The following MYRFL variants were observed in gnomAD, a reference collection of about 807,000 sequenced individuals.
The protein encoded by MYRFL is myelin regulatory factor like.
A neutral mutation model predicts 109.4 loss-of-function variants in MYRFL; 88 were observed. The ratio of observed to expected loss-of-function variants is 0.80; its 90% CI spans 0.68 to 0.96. MYRFL has a LOEUF of 0.96. Among genes scored for constraint, MYRFL ranks in the 40% least tolerant of loss-of-function variants. The pLI is 0.00. For synonymous variants in MYRFL, 324 were observed against 320.9 expected (o/e 1.01, Z -0.10); for missense variants, 957 against 954.9 (o/e 1.00, Z -0.03).
At chr12:69,887,092 T>C (rs961952204) in intron 6 of MYRFL, 122 bp downstream of exon 6, 1 of 1,042,080 alleles carries the variant, frequency 9.6e-7, no homozygotes, top group Non-Finnish European at 1.4e-6. Flanking sequence ...AGTGAGAAAG[T>C]GTCTGTCTTA....
chr12:69,827,329 T>C (rs2136311870), intron 1 of MYRFL, among the ~76,000 whole-genome samples: 1 of 152,164 alleles, frequency 6.6e-6, no homozygotes, highest in African/African-American at 2.4e-5. Flanking sequence ...CTGTCAAAGC[T>C]CATGATGATC....
At position 69,895,364 on chromosome 12, in the gene MYRFL, GTT is replaced by G; in HGVS notation, c.981-4_981-3del. ...TCTTGGTTTTTTTTTTTTGCTGTTT[GTT>G]TTAGAATTGACCTACTGGCTGACCA... On this transcript the variant is annotated splice_polypyrimidine_tract_variant and splice_region_variant and intron_variant, in intron 8 of 24. Coordinates refer to ENST00000552032, the MANE Select transcript of MYRFL (RefSeq NM_182530.3). The G allele has an allele frequency of 6.8e-7, 1 of 1,475,322 alleles. No individual in the cohort carries two copies. The highest frequency in any genetic ancestry group is 9.1e-7 in the Non-Finnish European group (1 of 1,102,692). The allele number at this position is 1,475,322 out of a possible 1,614,324, so 91.4% of individuals were successfully genotyped here.
rs571869839 is a variant in MYRFL, at chr12:69,920,758, T to G, written c.1603-5813T>G. Among the ~76,000 whole-genome samples, 16 of 152,322 alleles carry G rather than the reference T, an allele frequency of 1.1e-4. No homozygotes were observed. In the South Asian group the frequency reaches 3.3e-3, roughly 32 times the overall value. On this transcript the variant is annotated intron_variant, in intron 13 of 24. Coordinates refer to ENST00000552032, the MANE Select transcript of MYRFL (RefSeq NM_182530.3). Reference sequence around the variant, plus strand: ...GCGTGAAGAGGGCTGTAGTGAAAGATGAGTTTTAGATAAGGGATACCCACT... The same window carrying G: ...GCGTGAAGAGGGCTGTAGTGAAAGAGGAGTTTTAGATAAGGGATACCCACT...
intron 13 of MYRFL, among the ~76,000 whole-genome samples, chr12:69,916,500 A>ATCTT (rs1462248219): frequency 6.6e-5 from 10 of 152,116 alleles, no homozygotes; most frequent in Admixed American, 6.6e-4. Context: ...CTTTGGCAAT[A>ATCTT]TCTTTGTATA....
At chr12:69,870,172 G>T (rs1488950256) in intron 2 of MYRFL, among the ~76,000 whole-genome samples, 1 of 121,006 alleles carries the variant, frequency 8.3e-6, no homozygotes, top group Non-Finnish European at 1.6e-5. Flanking sequence ...GCAGTGTTGA[G>T]ATCTCGGCTC....
intron 6 of MYRFL, among the ~76,000 whole-genome samples, chr12:69,889,692 A>T (rs1886675995): frequency 6.6e-6 from 1 of 151,948 alleles, no homozygotes; most frequent in Non-Finnish European, 1.5e-5. Context: ...CATCTTTACT[A>T]AAAAAATACA....
intron 2 of MYRFL, among the ~76,000 whole-genome samples, chr12:69,877,999 T>C (rs1460852061): frequency 6.6e-6 from 1 of 152,098 alleles, no homozygotes; most frequent in African/African-American, 2.4e-5. Flanking sequence ...TCCCTACATT[T>C]TGGGAGGCTG....
chr12:69,836,902 G>A (rs931302286), intron 1 of MYRFL, among the ~76,000 whole-genome samples: 2 of 152,084 alleles, frequency 1.3e-5, no homozygotes, highest in African/African-American at 2.4e-5. Flanking sequence ...CAATATTAAC[G>A]TGTGTTTATT....
intron 19 of MYRFL, among the ~76,000 whole-genome samples, chr12:69,950,385 G>A (rs761412652): frequency 8.5e-5 from 13 of 152,218 alleles, no homozygotes; most frequent in Non-Finnish European, 1.5e-4. Flanking sequence ...CAACTCTAAA[G>A]GGATTATTCT....
At chr12:69,891,831 G>C (rs1331068006) in intron 7 of MYRFL, among the ~76,000 whole-genome samples, 1 of 151,676 alleles carries the variant, frequency 6.6e-6, no homozygotes, top group African/African-American at 2.4e-5. Flanking sequence ...GGGACCACAG[G>C]TGTGTGCCAC....
chr12:69,841,102 GA>G (rs1333395758), intron 1 of MYRFL, among the ~76,000 whole-genome samples: 1 of 152,166 alleles, frequency 6.6e-6, no homozygotes, highest in Non-Finnish European at 1.5e-5. Context: ...TGCACAAGGA[GA>G]CTGGGAGATT....
intron 1 of MYRFL, among the ~76,000 whole-genome samples, chr12:69,841,830 G>A (rs1383272534): frequency 6.6e-6 from 1 of 152,164 alleles, no homozygotes; most frequent in Non-Finnish European, 1.5e-5. Flanking sequence ...AACTTCTTGA[G>A]CACAGAAACT....
intron 2 of MYRFL, among the ~76,000 whole-genome samples, chr12:69,868,899 C>G (rs574999884): frequency 6.6e-6 from 1 of 151,840 alleles, no homozygotes; most frequent in African/African-American, 2.4e-5. Context: ...CACACACGTA[C>G]GCACACGCGC....
At chr12:69,861,731 G>T (rs1477057783) in intron 2 of MYRFL, among the ~76,000 whole-genome samples, 1 of 151,230 alleles carries the variant, frequency 6.6e-6, no homozygotes, top group African/African-American at 2.4e-5. Context: ...TTCTTTTGCT[G>T]TGCAGAAGCT....
intron 16 of MYRFL, among the ~76,000 whole-genome samples, chr12:69,932,891 G>T (rs1168045966): frequency 1.4e-5 from 2 of 145,772 alleles, no homozygotes; most frequent in Admixed American, 6.9e-5. Flanking sequence ...GTTTGTGTGT[G>T]TGTGTGTGTA....
At chr12:69,947,393 T>C (rs1287588820) in intron 19 of MYRFL, among the ~76,000 whole-genome samples, 1 of 152,142 alleles carries the variant, frequency 6.6e-6, no homozygotes, top group Non-Finnish European at 1.5e-5. Context: ...AAGTTGATCA[T>C]ATCTGTGTAA....
At position 69,903,746 on chromosome 12, in the gene MYRFL, G is replaced by T; in HGVS notation, c.1285G>T (p.Asp429Tyr). 3 of 1,535,854 alleles carry T rather than the reference G, an allele frequency of 2.0e-6. No individual in the cohort carries two copies. Among genetic ancestry groups the T allele is most frequent in the Non-Finnish European group, 2.6e-6 (3 of 1,146,688 alleles). The change falls in exon 11 of 25, where the codon GAT (aspartate) becomes TAT (tyrosine). Residue 429 changes from aspartate to tyrosine, a missense_variant. Coordinates refer to ENST00000552032, the MANE Select transcript of MYRFL (RefSeq NM_182530.3). The stretch of plus-strand genomic sequence containing the variant: ...TCACGGTCGAGTAGGAATCAACACA[G>T]ATGCGCCGGACGAAGCCCTGGTTGT... ...VCHGRVGINTDAPDEALVVCG... is the reference protein window; with the variant it reads ...VCHGRVGINTYAPDEALVVCG...
chr12:69,856,524 A>T (rs541714495), intron 2 of MYRFL, among the ~76,000 whole-genome samples: 17 of 152,190 alleles, frequency 1.1e-4, no homozygotes, highest in Non-Finnish European at 2.5e-4. Context: ...AATGCATGAG[A>T]TATCCAATTG....
At chr12:69,932,885 G>GTGTGTGTT (rs1955315079) in intron 16 of MYRFL, among the ~76,000 whole-genome samples, 2 of 140,304 alleles carry the variant, frequency 1.4e-5, no homozygotes, top group African/African-American at 5.3e-5. Context: ...GTGTGTGTTT[G>GTGTGTGTT]TGTGTGTGTG....
Sources: gnomAD v4.1 joint callset for allele counts (sites outside exome capture counted in the v4.1 genomes callset) on GRCh38, gnomAD v4.1.1 for gene constraint, MANE v1.5 for transcripts, NCBI Gene and HGNC (gene_info 2026-07-23, HGNC 2026-07-21) for gene names.